The following NUMB variants were observed in gnomAD, a reference collection of about 807,000 sequenced individuals.
The protein encoded by NUMB is NUMB endocytic adaptor protein.
NUMB carries 29 observed loss-of-function variants against 59.7 expected under a neutral mutation model. That is an observed-to-expected ratio of 0.49 (90% CI 0.36 to 0.66). The LOEUF (loss-of-function observed/expected upper bound fraction) is 0.66. Ranked by LOEUF, NUMB falls within the 30% of genes least tolerant of loss-of-function variation. The probability of loss-of-function intolerance (pLI) is 0.00; values close to 1 mark genes in which losing one functional copy is unlikely to be tolerated. For missense variants in NUMB, 723 were observed against 822.0 expected (o/e 0.88, Z 1.47); for synonymous variants, 288 against 288.2 (o/e 1.00, Z 0.01).
rs1488968579 is a variant in NUMB, at chr14:73,276,723, G to A, written c.1811C>T (p.Thr604Ile). Residue 604 changes from threonine to isoleucine, a missense_variant, in exon 13 of 13, where the codon ACA becomes ATA. Coordinates refer to ENST00000555238, the MANE Select transcript of NUMB (RefSeq NM_001005743.2). ...DGRLASADRH[T>I]EVPTGTCPVD... ...TGGGCAGGTGCCTGTAGGAACCTCT[G>A]TATGCCTGTCTGCTGAGGCCAACCT... 2 of 1,614,198 alleles carry A rather than the reference G, an allele frequency of 1.2e-6. No individual in the cohort carries two copies. The highest frequency in any genetic ancestry group is 1.7e-6 in the Non-Finnish European group (2 of 1,180,020).
rs1566756130 is a variant in NUMB, at chr14:73,352,485, T to TACACACACACACACACACACACAC, written c.126+3140_126+3141insGTGTGTGTGTGTGTGTGTGTGTGT. Among the ~76,000 whole-genome samples, 2 of 4,994 alleles carry TACACACACACACACACACACACAC rather than the reference T, an allele frequency of 4.0e-4. 1 individual carries two copies. The highest frequency in any genetic ancestry group is 6.5e-4 in the Non-Finnish European group (2 of 3,062). The allele number at this position is 4,994 out of a possible 152,430, so 3.3% of individuals were successfully genotyped here. A position where few individuals can be genotyped will look rare whatever the true frequency, so the allele number is the denominator to read the frequency against. On this transcript the variant is annotated intron_variant, in intron 4 of 12. Transcript: ENST00000555238. ...ACACACACACACACACACATATATA[T>TACACACACACACACACACACACAC]ATATATATATATATATATATATATA... is the stretch of plus-strand genomic sequence containing the variant.
chr14:73,349,928 G>A (rs1017012544), intron 4 of NUMB, among the ~76,000 whole-genome samples: 1 of 152,006 alleles, frequency 6.6e-6, no homozygotes, highest in Non-Finnish European at 1.5e-5. Flanking sequence ...GGTGGCAGGT[G>A]CCTGTAATCC....
At chr14:73,423,338 G>GAAAA (rs34877673) in intron 1 of NUMB, among the ~76,000 whole-genome samples, 2 of 111,076 alleles carry the variant, frequency 1.8e-5, no homozygotes, top group Non-Finnish European at 2.0e-5. Flanking sequence ...TGTCTCTACT[G>GAAAA]AAAAAAAAAA....
At chr14:73,452,232 C>T (rs751794588) in intron 1 of NUMB, among the ~76,000 whole-genome samples, 2 of 152,088 alleles carry the variant, frequency 1.3e-5, no homozygotes, top group Non-Finnish European at 2.9e-5. Context: ...TGGTAGTGCA[C>T]ACCTGTAATC....
chr14:73,381,501 C>G (rs1430306550), intron 2 of NUMB, among the ~76,000 whole-genome samples: 1 of 152,190 alleles, frequency 6.6e-6, no homozygotes, highest in Non-Finnish European at 1.5e-5. Flanking sequence ...ATACATAGTT[C>G]TAACAACCCA....
intron 4 of NUMB, among the ~76,000 whole-genome samples, chr14:73,348,792 A>T (rs1450733692): frequency 6.6e-6 from 1 of 152,262 alleles, no homozygotes; most frequent in Non-Finnish European, 1.5e-5. Context: ...ACACTGAAAG[A>T]TATCAAAACT....
intron 2 of NUMB, among the ~76,000 whole-genome samples, chr14:73,385,308 C>CTT (rs1174960370): frequency 0.01 from 1,133 of 112,266 alleles, 37 homozygotes; most frequent in Non-Finnish European, 0.014. Flanking sequence ...CCAGTTAATT[C>CTT]TTTTTTTTTT....
chr14:73,276,430 A>T lies in NUMB; in HGVS notation c.*148T>A. ...CCCATGTCTTTCAAAATCACCCCTCACAGTACTCTGGGCCTGGACTTGTTC... is the reference window on the plus strand; with the variant it reads ...CCCATGTCTTTCAAAATCACCCCTCTCAGTACTCTGGGCCTGGACTTGTTC... On this transcript the variant is annotated 3_prime_UTR_variant, in exon 13 of 13. Coordinates refer to ENST00000555238, the MANE Select transcript of NUMB (RefSeq NM_001005743.2). The T allele has an allele frequency of 1.6e-6, 1 of 626,746 alleles. No homozygotes were observed. Among genetic ancestry groups the T allele is most frequent in the Non-Finnish European group, 2.7e-6 (1 of 365,000 alleles). 38.8% of individuals were successfully genotyped at this position (626,746 alleles called of 1,614,324 possible).
At chr14:73,362,148 T>C (rs549105041) in intron 3 of NUMB, among the ~76,000 whole-genome samples, 77 of 152,068 alleles carry the variant, frequency 5.1e-4, no homozygotes, top group African/African-American at 1.7e-3. Context: ...TCCCAGCTAC[T>C]TGGGGGGCTG....
intron 4 of NUMB, among the ~76,000 whole-genome samples, chr14:73,345,284 A>G (rs6574118): frequency 0.56 from 85,167 of 151,958 alleles, 24,529 homozygotes; most frequent in East Asian, 0.73. Flanking sequence ...TTATAAGTGG[A>G]AGCTAAACAG....
chr14:73,380,658 T>C (rs1037174721), intron 2 of NUMB, among the ~76,000 whole-genome samples: 1 of 152,110 alleles, frequency 6.6e-6, no homozygotes, highest in Non-Finnish European at 1.5e-5. Context: ...AAAGTAGAAT[T>C]TGTGTTTTAT....
At position 73,426,393 on chromosome 14, in the gene NUMB, G is replaced by C. The variant is rs1429945301; in HGVS notation, c.-232-16325C>G. Among the ~76,000 whole-genome samples the C allele has an allele frequency of 3.3e-5, 5 of 152,198 alleles. No individual in the cohort carries two copies. In the South Asian group the frequency reaches 6.2e-4, roughly 19 times the overall value. On this transcript the variant is annotated intron_variant, in intron 1 of 12. Transcript: ENST00000555238. ...GGAGTCTGGCTTCCTTGGGGAACAG[G>C]CAAGAAAAATGTTCCATGTAAGACA...
intron 1 of NUMB, among the ~76,000 whole-genome samples, chr14:73,455,996 T>C (rs942009000): frequency 6.6e-6 from 1 of 151,996 alleles, no homozygotes; most frequent in African/African-American, 2.4e-5. Flanking sequence ...AGATTCTCAA[T>C]ATCCAAAAAA....
At chr14:73,283,882 T>C (rs994949657) in intron 10 of NUMB, among the ~76,000 whole-genome samples, 199 bp downstream of exon 10, 4 of 152,202 alleles carry the variant, frequency 2.6e-5, no homozygotes, top group African/African-American at 9.7e-5. Flanking sequence ...GCTGCCTGTT[T>C]GTTGAAGAGA....
chr14:73,415,515 T>C (rs1216736934), intron 1 of NUMB, among the ~76,000 whole-genome samples: 3 of 151,364 alleles, frequency 2.0e-5, no homozygotes, highest in East Asian at 3.8e-4. Context: ...TTTCTTTTTT[T>C]TTTTTTTTTG....
At chr14:73,337,586 G>A (rs911898841) in intron 4 of NUMB, among the ~76,000 whole-genome samples, 1 of 152,154 alleles carries the variant, frequency 6.6e-6, no homozygotes, top group Non-Finnish European at 1.5e-5. Flanking sequence ...GACTGAAAAT[G>A]AGGCAAGAAT....
At chr14:73,345,993 G>A (rs1215491718) in intron 4 of NUMB, among the ~76,000 whole-genome samples, 1 of 152,030 alleles carries the variant, frequency 6.6e-6, no homozygotes, top group East Asian at 1.9e-4. Flanking sequence ...AACTTGAATA[G>A]CATATTTCTA....
rs56116167 is a variant in NUMB, at chr14:73,293,393, CTTTTTTTTTTT to C, written c.310-530_310-520del. ...GTGGAATTTCCACTCGTTTCTTTTT[CTTTTTTTTTTT>C]TTTTTTTTGGACAGTCTCACTCTGT... On this transcript the variant is annotated intron_variant, in intron 7 of 12. Coordinates refer to ENST00000555238, the MANE Select transcript of NUMB (RefSeq NM_001005743.2). 5.4e-3 allele frequency among the ~76,000 whole-genome samples: 512 copies of C among 95,608 alleles called. 2 individuals are homozygous for C. The highest frequency in any genetic ancestry group is 0.018 in the Middle Eastern group (3 of 166). The allele number at this position is 95,608 out of a possible 152,430, so 62.7% of individuals were successfully genotyped here.
chr14:73,307,207 G>A (rs546626842), intron 6 of NUMB, among the ~76,000 whole-genome samples: 4 of 152,152 alleles, frequency 2.6e-5, no homozygotes, highest in South Asian at 4.1e-4. Context: ...TACTCGGGAG[G>A]CTGAGGCCAG....
Sources: gnomAD v4.1 joint callset for allele counts (sites outside exome capture counted in the v4.1 genomes callset) on GRCh38, gnomAD v4.1.1 for gene constraint, MANE v1.5 for transcripts, NCBI Gene and HGNC (gene_info 2026-07-23, HGNC 2026-07-21) for gene names.